LRBA: variants seen among roughly 807,000 people sequenced by gnomAD.
LRBA encodes lipopolysaccharide-responsive and beige-like anchor protein.
In LRBA, 176 loss-of-function variants were observed where a neutral mutation model predicts 330.0. The observed-to-expected ratio is 0.53, with a 90% CI of 0.47 to 0.60. The LOEUF is 0.60. Ranked by LOEUF, LRBA falls within the 20% of genes least tolerant of loss-of-function variation. The pLI is 0.00. For missense variants in LRBA, 3,259 were observed against 3,444.8 expected (o/e 0.95, Z 1.35); for synonymous variants, 1,230 against 1,193.0 (o/e 1.03, Z -0.64).
chr4:150,565,068 T>C (rs1043893301), intron 40 of LRBA, among the ~76,000 whole-genome samples: 1 of 152,166 alleles, frequency 6.6e-6, no homozygotes, highest in Non-Finnish European at 1.5e-5. Context: ...TGTATGTTTA[T>C]TGTAGCTATG....
At chr4:150,397,657 A>G (rs1314244105) in intron 47 of LRBA, among the ~76,000 whole-genome samples, 1 of 152,240 alleles carries the variant, frequency 6.6e-6, no homozygotes, top group Non-Finnish European at 1.5e-5. Flanking sequence ...GTATAATTTT[A>G]TCATAGGAAG....
chr4:150,735,161 C>G, intron 36 of LRBA, 97 bp downstream of exon 36: 1 of 873,490 alleles, frequency 1.1e-6, no homozygotes, highest in East Asian at 2.4e-5. Flanking sequence ...ATGACATATA[C>G]TATGTTTCTT....
At chr4:150,316,438 G>C (rs965363445) in intron 50 of LRBA, among the ~76,000 whole-genome samples, 1 of 152,112 alleles carries the variant, frequency 6.6e-6, no homozygotes, top group Non-Finnish European at 1.5e-5. Context: ...AGTATATCAG[G>C]AATCAGGAAC....
chr4:150,762,858 T>G (rs1195165384), intron 34 of LRBA, among the ~76,000 whole-genome samples: 1 of 151,986 alleles, frequency 6.6e-6, no homozygotes, highest in Non-Finnish European at 1.5e-5. Context: ...ATTTTCTGAG[T>G]GTAATAACTC....
chr4:150,429,075 G>A (rs1015427300), intron 46 of LRBA, among the ~76,000 whole-genome samples: 9 of 152,046 alleles, frequency 5.9e-5, no homozygotes, highest in Non-Finnish European at 1.0e-4. Flanking sequence ...GGTCAAGTGG[G>A]ATATGACATA....
At chr4:150,782,203 G>C (rs1738341299) in intron 34 of LRBA, among the ~76,000 whole-genome samples, 1 of 152,096 alleles carries the variant, frequency 6.6e-6, no homozygotes, top group African/African-American at 2.4e-5. Flanking sequence ...CACTGCACCT[G>C]GTCTTGCTTG....
intron 33 of LRBA, among the ~76,000 whole-genome samples, chr4:150,803,530 G>T (rs1742076282): frequency 6.6e-6 from 1 of 151,910 alleles, no homozygotes; most frequent in South Asian, 2.1e-4. Context: ...GTAATGTTTG[G>T]TCACACAGCT....
At chr4:150,579,895 G>A in intron 40 of LRBA, 1 of 362,982 alleles carries the variant, frequency 2.8e-6, no homozygotes, top group Non-Finnish European at 5.5e-6. Context: ...AGAGTGGGGC[G>A]GGAAAGCTCC....
chr4:150,606,768 C>T (rs1003292731), intron 37 of LRBA, among the ~76,000 whole-genome samples: 55 of 152,276 alleles, frequency 3.6e-4, no homozygotes, highest in African/African-American at 1.3e-3. Context: ...TTATTCGTTA[C>T]TATTATAGCT....
At chr4:150,504,776 C>T (rs1760817980) in intron 40 of LRBA, among the ~76,000 whole-genome samples, 1 of 152,174 alleles carries the variant, frequency 6.6e-6, no homozygotes, top group Non-Finnish European at 1.5e-5. Context: ...GCTACACAGA[C>T]TGGCAAATTG....
intron 40 of LRBA, among the ~76,000 whole-genome samples, chr4:150,559,952 A>C (rs1258472780): frequency 1.3e-4 from 14 of 111,704 alleles, no homozygotes; most frequent in African/African-American, 4.2e-4. Flanking sequence ...ATATAAATAT[A>C]TATATAAATA....
At chr4:150,382,336 T>C (rs564520381) in intron 47 of LRBA, among the ~76,000 whole-genome samples, 1 of 152,132 alleles carries the variant, frequency 6.6e-6, no homozygotes, top group African/African-American at 2.4e-5. Context: ...TAAGAAACCA[T>C]TCTGGGGCTG....
intron 30 of LRBA, among the ~76,000 whole-genome samples, chr4:150,827,727 G>C (rs1487037733): frequency 6.6e-6 from 1 of 151,560 alleles, no homozygotes; most frequent in Non-Finnish European, 1.5e-5. Flanking sequence ...TCAGCCTCTG[G>C]AGTAGCCTGG....
intron 42 of LRBA, among the ~76,000 whole-genome samples, chr4:150,476,163 C>T (rs982692603): frequency 6.6e-6 from 1 of 152,122 alleles, no homozygotes; most frequent in Admixed American, 6.5e-5. Flanking sequence ...AGTTTGCTCT[C>T]CTCTACTGTC....
rs756627280 is a variant in LRBA at position 150,850,823 on chromosome 4, G to A, written c.3905C>T (p.Thr1302Ile). Residue 1302 changes from threonine (T) to isoleucine (I), a missense_variant, in exon 24 of 57, where the codon ACT (threonine) becomes ATT (isoleucine). Transcript: ENST00000651943. ...VNGQRRDSRS[T>I]VFRIPEFNWS... ...GTTGAACTCAGGAATACGAAACACAGTAGATCTGGAATCCCTCCTTTGTCC... is the reference window on the plus strand; with the variant it reads ...GTTGAACTCAGGAATACGAAACACAATAGATCTGGAATCCCTCCTTTGTCC... 22 of 1,613,732 alleles carry A rather than the reference G, an allele frequency of 1.4e-5. No homozygotes were observed. In the Admixed American group the frequency reaches 2.7e-4, roughly 20 times the overall value.
At chr4:150,310,438 C>G in intron 51 of LRBA, 54 bp from the exon 52 acceptor site, 2 of 1,242,376 alleles carry the variant, frequency 1.6e-6, no homozygotes, top group Non-Finnish European at 2.3e-6. Flanking sequence ...CAAAGAAATT[C>G]TATAGTGAGG....
chr4:150,782,585 G>T (rs552021546), intron 34 of LRBA, among the ~76,000 whole-genome samples: 40 of 152,216 alleles, frequency 2.6e-4, no homozygotes, highest in Admixed American at 2.5e-3. Context: ...CCATTTCTCT[G>T]TCTGTAGCCT....
At position 150,848,921 on chromosome 4, in the gene LRBA, G is replaced by A; in HGVS notation, c.4236C>T (p.Ser1412=). 3.7e-6 allele frequency: 6 copies of A among 1,612,400 alleles called. No individual in the cohort carries two copies. Among genetic ancestry groups the A allele is most frequent in the Non-Finnish European group, 5.1e-6 (6 of 1,178,910 alleles). Residue 1412 remains serine (S), a synonymous_variant, in exon 26 of 57, where the codon AGC becomes AGT. Transcript: ENST00000651943. The part of the protein sequence containing the change: ...ASVTFLQRLI[S]LVDVLIFASS... ...TTGCAAATATAAGCACATCCACAAG[G>A]CTAATTAGCCTCTGCAAAAATGTCA...
At chr4:150,447,974 C>T (rs958574067) in intron 44 of LRBA, among the ~76,000 whole-genome samples, 5 of 152,116 alleles carry the variant, frequency 3.3e-5, no homozygotes, top group African/African-American at 1.2e-4. Context: ...ATGCACTAGA[C>T]AATTCACAGG....
Sources: allele counts gnomAD v4.1 joint callset (sites outside exome capture counted in the v4.1 genomes callset), GRCh38; gene constraint gnomAD v4.1.1; transcripts MANE v1.5; gene names NCBI Gene and HGNC (gene_info 2026-07-23, HGNC 2026-07-21).